The following ANAPC2 variants were observed in gnomAD, a reference collection of about 807,000 sequenced individuals.
ANAPC2 encodes anaphase-promoting complex subunit 2.
A neutral mutation model predicts 84.3 loss-of-function variants in ANAPC2; 29 were observed. That is an observed-to-expected ratio of 0.34 (90% CI 0.26 to 0.47). The LOEUF (loss-of-function observed/expected upper bound fraction) is 0.47. ANAPC2 is among the 20% of genes least tolerant of loss of function. The pLI, the probability that ANAPC2 is intolerant of heterozygous loss-of-function variation, is 1.00. For synonymous variants in ANAPC2, 571 were observed against 479.4 expected (o/e 1.19, Z -2.50); for missense variants, 857 against 1,131.7 (o/e 0.76, Z 3.48).
rs1365788811 is a variant in ANAPC2, at chr9:137,188,182, G to T, written c.118-79C>A. 4 of 1,523,306 alleles carry T rather than the reference G, an allele frequency of 2.6e-6. No individual in the cohort carries two copies. In the African/African-American group the frequency reaches 5.5e-5, roughly 21 times the overall value. 94.4% of individuals were successfully genotyped at this position (1,523,306 alleles called of 1,614,324 possible). ...GGCGGGGAAGGGAAGAAGCTGAGGG[G>T]GAGGCTGCAAAAACTCCGCTGCCCC... On this transcript the variant is annotated intron_variant, in intron 1 of 12. Transcript: ENST00000323927.
intron 4 of ANAPC2, 100 bp from the exon 5 acceptor site, chr9:137,183,891 C>T: frequency 5.9e-6 from 9 of 1,515,878 alleles, no homozygotes; most frequent in Non-Finnish European, 7.2e-6. Flanking sequence ...ACGTGCTTGC[C>T]AGCCCCAGGA....
At chr9:137,182,172 A>C (rs1313122735) in intron 6 of ANAPC2, among the ~76,000 whole-genome samples, 1 of 152,154 alleles carries the variant, frequency 6.6e-6, no homozygotes, top group South Asian at 2.1e-4. Flanking sequence ...GGATTCTGCC[A>C]CTGCACTCCA....
Position 137,186,209 on chromosome 9 carries a change from G to A in ANAPC2, c.873+15C>T, listed in dbSNP as rs762917399. On this transcript the variant is annotated intron_variant, in intron 3 of 12. Transcript: ENST00000323927. ...CTGTCTCCAGCGGGGCACAGCCCAA[G>A]GGAGGGGTCCTCACCTTGTGGAACT... The A allele has an allele frequency of 1.9e-5, 31 of 1,611,758 alleles. No individual in the cohort carries two copies. The highest frequency in any genetic ancestry group is 2.5e-5 in the Non-Finnish European group (30 of 1,179,332).
intron 10 of ANAPC2, 39 bp downstream of exon 10, chr9:137,180,142 G>A (rs750216553): frequency 5.6e-6 from 9 of 1,595,632 alleles, no homozygotes; most frequent in African/African-American, 5.4e-5. Context: ...GCAGGGTAGG[G>A]GTGCCAAGAG....
rs754295841 is a variant in ANAPC2, at chr9:137,180,373, G to A, written c.1698C>T (p.Asp566=). ...GGATGTTGGCATTGATGCGGCGGGA[G>A]TCCGCCATGTCCTGAGGAGGAGCCG... is the stretch of plus-strand genomic sequence containing the variant. ...FCEVMLKDMA[D]SRRINANIRE... is the part of the protein sequence containing the mutation. The change falls in exon 10 of 13, where the codon GAC becomes GAT. Residue 566 remains aspartate, a synonymous_variant. Coordinates refer to ENST00000323927, the MANE Select transcript of ANAPC2 (RefSeq NM_013366.4). The A allele has an allele frequency of 3.1e-6, 5 of 1,612,298 alleles. No individual in the cohort carries two copies. The highest frequency in any genetic ancestry group is 2.2e-5 in the South Asian group (2 of 91,090).
chr9:137,179,566 C>T (rs1834296254), intron 10 of ANAPC2, among the ~76,000 whole-genome samples: 1 of 152,232 alleles, frequency 6.6e-6, no homozygotes, highest in African/African-American at 2.4e-5. Context: ...CTGTCCCCAT[C>T]TGCCAGTGAC....
intron 2 of ANAPC2, 66 bp downstream of exon 2, chr9:137,187,415 T>G: frequency 6.5e-7 from 1 of 1,537,864 alleles, no homozygotes; most frequent in Admixed American, 1.9e-5. Flanking sequence ...TGAGGCCAGC[T>G]GGACCCAGGG....
chr9:137,174,816 G>T lies in ANAPC2; in HGVS notation c.*126C>A. The T allele has an allele frequency of 7.0e-7, 1 of 1,435,170 alleles. No homozygotes were observed. The highest frequency in any genetic ancestry group is 9.1e-7 in the Non-Finnish European group (1 of 1,094,862). The allele number at this position is 1,435,170 out of a possible 1,614,324, so 88.9% of individuals were successfully genotyped here. On this transcript the variant is annotated 3_prime_UTR_variant, in exon 13 of 13. Transcript: ENST00000323927. The surrounding 1 kb of genome is among the most constrained non-coding windows in gnomAD (Gnocchi z 6.1). ...TGACTTGCTTTAATCTGCACACTGC[G>T]GGGGTGGGGGTGGGCATGCTCCTCA...
At position 137,186,229 on chromosome 9, in the gene ANAPC2, G is replaced by A; in HGVS notation, c.868C>T (p.His290Tyr). 6 of 1,612,650 alleles carry A rather than the reference G, an allele frequency of 3.7e-6. No homozygotes were observed. The highest frequency in any genetic ancestry group is 5.1e-6 in the Non-Finnish European group (6 of 1,179,888). ...EYERSFLREF[H>Y]KWIERVVGWL... ...CCCAAGGGAGGGGTCCTCACCTTGT[G>A]GAACTCACGCAGGAAGGAGCGCTCG... is the stretch of plus-strand genomic sequence containing the variant. Residue 290 changes from histidine to tyrosine, a missense_variant, in exon 3 of 13, where the codon CAC becomes TAC. Physicochemically the swap from His to Tyr is moderately conservative, Grantham distance 83. Coordinates refer to ENST00000323927, the MANE Select transcript of ANAPC2 (RefSeq NM_013366.4).
intron 10 of ANAPC2, among the ~76,000 whole-genome samples, chr9:137,179,947 A>T (rs1834306127): frequency 6.6e-6 from 1 of 152,246 alleles, no homozygotes. Flanking sequence ...AGCCCACCCA[A>T]GCGCCTGTGG....
rs576475867 is a variant in ANAPC2, at chr9:137,179,917, A to G, written c.1890+264T>C. On this transcript the variant is annotated intron_variant, in intron 10 of 12. Transcript: ENST00000323927. ...CACAGGGGTCCCCCTGAAGCAGTTC[A>G]GGAGACCTGGGCCCAGCACAGCCCA... 5.3e-5 allele frequency among the ~76,000 whole-genome samples: 8 copies of G among 152,380 alleles called. No individual in the cohort carries two copies. In the East Asian group the frequency reaches 1.5e-3, roughly 29 times the overall value.
In ANAPC2 at chr9:137,188,121, G is replaced by C. The variant is rs368996882; in HGVS notation, c.118-18C>G. The C allele has an allele frequency of 1.9e-6, 3 of 1,603,942 alleles. No homozygotes were observed. In the East Asian group the frequency reaches 6.7e-5, roughly 36 times the overall value. ...GAAGACACCTGGGGTGCAGAAAACC[G>C]TGAGGCGAGGGGAACACAACATAGA... On this transcript the variant is annotated intron_variant, in intron 1 of 12. Coordinates refer to ENST00000323927, the MANE Select transcript of ANAPC2 (RefSeq NM_013366.4).
intron 4 of ANAPC2, 115 bp from the exon 5 acceptor site, chr9:137,183,906 G>C: frequency 7.1e-7 from 1 of 1,405,242 alleles, no homozygotes. Context: ...CCAGGACGAT[G>C]ATGAGACCAC....
At chr9:137,186,975 C>T (rs1267475570) in intron 2 of ANAPC2, 1 of 170,154 alleles carries the variant, frequency 5.9e-6, no homozygotes, top group East Asian at 1.6e-4. Flanking sequence ...CCACAAATGG[C>T]CAAGGGTATG....
In ANAPC2 at chr9:137,181,742, G is replaced by A; in HGVS notation, c.1407C>T (p.Asp469=). ...CTGGCTCGCCTGAGTCATCCTCACT[G>A]TCCTGGCCTGTCTCCAGGCTCGCCG... ...TDPASLETGQ[D]SEDDSGEPED... The change falls in exon 7 of 13, where the codon GAC becomes GAT. Residue 469 remains aspartate (D), a synonymous_variant. Coordinates refer to ENST00000323927, the MANE Select transcript of ANAPC2 (RefSeq NM_013366.4). 3 of 1,612,318 alleles carry A rather than the reference G, an allele frequency of 1.9e-6. No homozygotes were observed. Among genetic ancestry groups the A allele is most frequent in the Non-Finnish European group, 2.5e-6 (3 of 1,179,946 alleles).
At chr9:137,185,544 C>A (rs537241009) in intron 3 of ANAPC2, among the ~76,000 whole-genome samples, 1 of 152,238 alleles carries the variant, frequency 6.6e-6, no homozygotes, top group African/African-American at 2.4e-5. Context: ...CAAGACCGCA[C>A]GGATGTTCAC....
intron 1 of ANAPC2, 64 bp from the exon 2 acceptor site, chr9:137,188,167 GGAA>G: frequency 6.4e-7 from 1 of 1,553,578 alleles, no homozygotes; most frequent in Non-Finnish European, 8.7e-7. Context: ...GGCGGGGAAG[GGAA>G]GAAGCTGAGG....
At position 137,175,413 on chromosome 9, in the gene ANAPC2, G is replaced by A. The variant is rs1213879384; in HGVS notation, c.2080C>T (p.Arg694Trp). 2 of 1,606,640 alleles carry A rather than the reference G, an allele frequency of 1.2e-6. No individual in the cohort carries two copies. Among genetic ancestry groups the A allele is most frequent in the Non-Finnish European group, 8.5e-7 (1 of 1,177,432 alleles). Residue 694 changes from arginine (R) to tryptophan (W), a missense_variant, in exon 12 of 13, where the codon CGG becomes TGG. Around this residue, in one of 3 missense-constraint regions of ANAPC2, gnomAD observed 425 missense variants for 595.5 expected, o/e 0.71. Coordinates refer to ENST00000323927, the MANE Select transcript of ANAPC2 (RefSeq NM_013366.4). Reference sequence around the variant, plus strand: ...TGCTGCAGCCACACGGACATCCGCCGCCGCAGCAGCGCCACGGGCATCTTC... The same window carrying A: ...TGCTGCAGCCACACGGACATCCGCCACCGCAGCAGCGCCACGGGCATCTTC... ...AVKMPVALLR[R>W]RMSVWLQQGV...
At chr9:137,175,499 G>A in intron 11 of ANAPC2, 27 bp from the exon 12 acceptor site, 1 of 1,526,278 alleles carries the variant, frequency 6.6e-7, no homozygotes, top group East Asian at 2.5e-5. Flanking sequence ...CGGGACGCTG[G>A]GCAGCCTGGG....
Sources: gnomAD v4.1 joint callset for allele counts (sites outside exome capture counted in the v4.1 genomes callset) on GRCh38, gnomAD v4.1.1 for gene constraint, gnomAD v4.1.1 regional missense constraint, Gnocchi (gnomAD v3.1) non-coding constraint, MANE v1.5 for transcripts, NCBI Gene and HGNC (gene_info 2026-07-23, HGNC 2026-07-21) for gene names.